Variants in URGCP observed in about 807,000 individuals in gnomAD.
URGCP encodes upregulator of cell proliferation, also known as up-regulator of cell proliferation.
A neutral mutation model predicts 24.6 loss-of-function variants in URGCP; 13 were observed. The observed-to-expected ratio is 0.53, with a 90% CI of 0.34 to 0.84. URGCP has a LOEUF of 0.84. Ranked by LOEUF, URGCP falls within the 40% of genes least tolerant of loss-of-function variation. The pLI is 0.01. For synonymous variants in URGCP, 444 were observed against 487.2 expected, an observed-to-expected ratio of 0.91 and a Z score of 1.17; for missense variants, 899 against 1,194.3, an observed-to-expected ratio of 0.75 and a Z score of 3.64.
intron 1 of URGCP, among the ~76,000 whole-genome samples, chr7:43,925,950 G>A (rs1414317880): frequency 6.6e-6 from 1 of 152,086 alleles, no homozygotes; most frequent in African/African-American, 2.4e-5. Flanking sequence ...TTAAGTTTGG[G>A]AGATGCATAG....
At chr7:43,916,510 A>G (rs1337538267) in intron 1 of URGCP, among the ~76,000 whole-genome samples, 1 of 152,192 alleles carries the variant, frequency 6.6e-6, no homozygotes, top group Non-Finnish European at 1.5e-5. Context: ...TGAGGGATCC[A>G]GAGGCAGACG....
intron 4 of URGCP, 94 bp from the exon 5 acceptor site, chr7:43,881,791 C>T (rs2095854262): frequency 5.6e-6 from 9 of 1,608,462 alleles, no homozygotes; most frequent in Non-Finnish European, 7.6e-6. Context: ...ACCCTTCTTT[C>T]TCACCAAGAT....
Position 43,876,885 on chromosome 7 carries a change from G to A in URGCP, c.2578C>T (p.Arg860Trp), listed in dbSNP as rs1350537344. 5 of 1,613,928 alleles carry A rather than the reference G, an allele frequency of 3.1e-6. No homozygotes were observed. The highest frequency in any genetic ancestry group is 4.2e-6 in the Non-Finnish European group (5 of 1,179,998). The change falls in exon 6 of 6, where the codon CGG (arginine) becomes TGG (tryptophan). Residue 860 changes from arginine to tryptophan, a missense_variant. Physicochemically the swap from Arg to Trp is moderately radical, Grantham distance 101. Transcript: ENST00000453200. The stretch of plus-strand genomic sequence containing the variant: ...CAGAAGGCCAGGCCTGCCAGTGCCC[G>A]GAAGCCGTCGCCCTGTTTCTCCATC... ...AQMEKQGDGFRALAGLAFCDP... is the reference protein window; with the variant it reads ...AQMEKQGDGFWALAGLAFCDP...
At chr7:43,921,877 C>A (rs1240185246) in intron 1 of URGCP, among the ~76,000 whole-genome samples, 1 of 151,902 alleles carries the variant, frequency 6.6e-6, no homozygotes, top group Non-Finnish European at 1.5e-5. Flanking sequence ...CATTGAAATA[C>A]AAGCACGAGG....
intron 1 of URGCP, among the ~76,000 whole-genome samples, chr7:43,893,904 A>G (rs1371603293): frequency 2.6e-5 from 4 of 152,198 alleles, no homozygotes; most frequent in African/African-American, 9.7e-5. Flanking sequence ...GACGAAAAAA[A>G]AATATTCCAT....
intron 1 of URGCP, among the ~76,000 whole-genome samples, chr7:43,916,133 T>A (rs1383460196): frequency 1.3e-5 from 2 of 152,360 alleles, no homozygotes; most frequent in Admixed American, 6.5e-5. Context: ...GCATTTACGC[T>A]GTTTTTCTTT....
Position 43,876,030 on chromosome 7 carries a change from A to AAC in URGCP, c.*635_*636dup, listed in dbSNP as rs2095843732. 1 of 154,422 alleles carries AAC rather than the reference A, an allele frequency of 6.5e-6. No individual in the cohort carries two copies. The highest frequency in any genetic ancestry group is 2.4e-5 in the African/African-American group (1 of 41,470). 9.6% of individuals were successfully genotyped at this position (154,422 alleles called of 1,614,324 possible). A position where few individuals can be genotyped will look rare whatever the true frequency, so the allele number is the denominator to read the frequency against. Reference sequence around the variant, plus strand: ...CACAGTCTGGGGGGACAGACATGTAAACACATGAGTTACAACGCGCTGCGT... The same window carrying AAC: ...CACAGTCTGGGGGGACAGACATGTAAACACACATGAGTTACAACGCGCTGCGT... On this transcript the variant is annotated 3_prime_UTR_variant, in exon 6 of 6. Coordinates refer to ENST00000453200, the MANE Select transcript of URGCP (RefSeq NM_001077663.3).
chr7:43,897,027 A>T (rs1196621940), intron 1 of URGCP, among the ~76,000 whole-genome samples: 1 of 152,152 alleles, frequency 6.6e-6, no homozygotes, highest in Non-Finnish European at 1.5e-5. Flanking sequence ...TCAACAAGGC[A>T]AGGGGATATT....
chr7:43,877,970 C>T lies in URGCP; in HGVS notation c.1493G>A (p.Gly498Glu). Residue 498 changes from glycine to glutamate, a missense_variant, in exon 6 of 6, where the codon GGG (glycine) becomes GAG (glutamate). Coordinates refer to ENST00000453200, the MANE Select transcript of URGCP (RefSeq NM_001077663.3). ...AYRRDELRLQ[G>E]DPWRKAAQVE... ...TTGGGCTGCCTTTCTCCAGGGGTCC[C>T]CCTGCAGCCTCAGCTCGTCCCTTCT... 6.2e-7 allele frequency: 1 copy of T among 1,614,228 alleles called. No homozygotes were observed. Among genetic ancestry groups the T allele is most frequent in the Non-Finnish European group, 8.5e-7 (1 of 1,180,048 alleles).
Position 43,876,907 on chromosome 7 carries a change from C to T in URGCP, c.2556G>A (p.Met852Ile). 6.2e-7 allele frequency: 1 copy of T among 1,614,040 alleles called. No homozygotes were observed. Among genetic ancestry groups the T allele is most frequent in the Non-Finnish European group, 8.5e-7 (1 of 1,180,008 alleles). The change falls in exon 6 of 6, where the codon ATG becomes ATA. Residue 852 changes from methionine to isoleucine, a missense_variant. Transcript: ENST00000453200. Reference sequence around the variant, plus strand: ...CCCGGAAGCCGTCGCCCTGTTTCTCCATCTGGGCTGCAGCCCTGCTCAGGT... The same window carrying T: ...CCCGGAAGCCGTCGCCCTGTTTCTCTATCTGGGCTGCAGCCCTGCTCAGGT... ...PGDLSRAAAQMEKQGDGFRAL... is the reference protein window; with the variant it reads ...PGDLSRAAAQIEKQGDGFRAL...
chr7:43,891,094 G>C (rs1208535978), intron 1 of URGCP, among the ~76,000 whole-genome samples: 1 of 152,164 alleles, frequency 6.6e-6, no homozygotes, highest in African/African-American at 2.4e-5. Context: ...TTACCGACTA[G>C]GGGAAGTCAC....
At chr7:43,896,264 T>C (rs1282828881) in intron 1 of URGCP, among the ~76,000 whole-genome samples, 1 of 152,084 alleles carries the variant, frequency 6.6e-6, no homozygotes, top group Non-Finnish European at 1.5e-5. Flanking sequence ...GAGACCAGCC[T>C]GACCAACGTG....
At chr7:43,891,186 C>T (rs561851424) in intron 1 of URGCP, among the ~76,000 whole-genome samples, 1 of 152,170 alleles carries the variant, frequency 6.6e-6, no homozygotes, top group Non-Finnish European at 1.5e-5. Context: ...TAGGGCAAAC[C>T]TCGTGGGCAG....
chr7:43,894,075 C>T (rs562624608), intron 1 of URGCP, among the ~76,000 whole-genome samples: 3 of 152,044 alleles, frequency 2.0e-5, no homozygotes, highest in Non-Finnish European at 4.4e-5. Context: ...TACTGTAGCA[C>T]CCAGATATAT....
intron 1 of URGCP, among the ~76,000 whole-genome samples, chr7:43,902,079 G>T (rs2095891805): frequency 6.6e-6 from 1 of 151,524 alleles, no homozygotes; most frequent in Non-Finnish European, 1.5e-5. Context: ...GAAAGAAAAG[G>T]AGTGGAGGGG....
chr7:43,887,321 C>G, intron 3 of URGCP, 94 bp downstream of exon 3: 1 of 1,446,680 alleles, frequency 6.9e-7, no homozygotes, highest in Non-Finnish European at 9.3e-7. Context: ...TGCACAATCC[C>G]AAGTCCAGGA....
At chr7:43,913,974 T>C (rs975266090) in intron 1 of URGCP, among the ~76,000 whole-genome samples, 4 of 152,092 alleles carry the variant, frequency 2.6e-5, no homozygotes, top group African/African-American at 7.2e-5. Context: ...CCTGGTATTA[T>C]AGGTGTGAGC....
At position 43,878,378 on chromosome 7, in the gene URGCP, G is replaced by A; in HGVS notation, c.1085C>T (p.Thr362Ile). ...TEISSAVFIL[T>I]DNISKKEYKL... ...GTATTCCTTCTTACTGATATTGTCA[G>A]TCAATATAAACACAGCGGAGGAGAT... is the stretch of plus-strand genomic sequence containing the variant. Residue 362 changes from threonine to isoleucine, a missense_variant, in exon 6 of 6, where the codon ACT becomes ATT. By Grantham distance (89) the Thr-to-Ile change is moderately conservative. Transcript: ENST00000453200. This position sits in a 1 kb window ranked among gnomAD's most constrained non-coding sequence, Gnocchi z 5.6. The A allele has an allele frequency of 6.2e-7, 1 of 1,614,210 alleles. No homozygotes were observed. Among genetic ancestry groups the A allele is most frequent in the Non-Finnish European group, 8.5e-7 (1 of 1,180,048 alleles).
At chr7:43,916,720 C>A (rs1049198925) in intron 1 of URGCP, among the ~76,000 whole-genome samples, 5 of 132,066 alleles carry the variant, frequency 3.8e-5, no homozygotes, top group Admixed American at 2.3e-4. Context: ...CACCCCCCCC[C>A]CCCACATAAC....
Sources: allele counts gnomAD v4.1 joint callset (sites outside exome capture counted in the v4.1 genomes callset), GRCh38; gene constraint gnomAD v4.1.1; non-coding constraint Gnocchi (gnomAD v3.1); transcripts MANE v1.5; gene names NCBI Gene and HGNC (gene_info 2026-07-23, HGNC 2026-07-21).